The following CBL variants were observed in gnomAD, a reference collection of about 807,000 sequenced individuals.
CBL encodes E3 ubiquitin-protein ligase CBL.
Under a neutral mutation model 96.9 loss-of-function variants are expected in CBL, and 45 were observed. That is an observed-to-expected ratio of 0.46 (90% CI 0.37 to 0.60). The LOEUF is 0.60. CBL is among the 20% of genes least tolerant of loss of function. CBL has a pLI of 0.00. For synonymous variants in CBL, 420 were observed against 426.8 expected, an observed-to-expected ratio of 0.98 and a Z score of 0.20; for missense variants, 1,024 against 1,143.5, an observed-to-expected ratio of 0.90 and a Z score of 1.51.
intron 2 of CBL, among the ~76,000 whole-genome samples, chr11:119,248,661 A>G (rs1198945238): frequency 6.6e-6 from 1 of 152,208 alleles, no homozygotes; most frequent in Non-Finnish European, 1.5e-5. Context: ...AAAATTAAGA[A>G]CTTTGTTCAT....
rs1423287961 is a variant in CBL, at chr11:119,285,313, G to C, written c.1688G>C (p.Arg563Pro). The C allele has an allele frequency of 6.2e-7, 1 of 1,613,992 alleles. No homozygotes were observed. Among genetic ancestry groups the C allele is most frequent in the Non-Finnish European group, 8.5e-7 (1 of 1,180,028 alleles). ...GGAGCAGAATCCCGACCTCAAAGAC[G>C]CCCCTTGCCTTGTACACCAGGCGAC... ...SVGAESRPQR[R>P]PLPCTPGDCP... Residue 563 changes from arginine (R) to proline (P), a missense_variant, in exon 11 of 16, where the codon CGC becomes CCC. Coordinates refer to ENST00000264033, the MANE Select transcript of CBL (RefSeq NM_005188.4).
intron 5 of CBL, 98 bp downstream of exon 5, chr11:119,275,051 T>G: frequency 7.8e-7 from 1 of 1,278,704 alleles, no homozygotes; most frequent in Non-Finnish European, 1.1e-6. Flanking sequence ...AGTTTCGCAA[T>G]AGCCAAGGTT....
intron 2 of CBL, among the ~76,000 whole-genome samples, chr11:119,243,606 T>C (rs1013336132): frequency 6.6e-6 from 1 of 152,068 alleles, no homozygotes; most frequent in Non-Finnish European, 1.5e-5. Flanking sequence ...TATTCCATTT[T>C]TGTAGAAAGT....
At position 119,306,423 on chromosome 11, in the gene CBL, T is replaced by G. The variant is rs954073455; in HGVS notation, c.*6642T>G. 2.5e-6 allele frequency: 1 copy of G among 397,196 alleles called. No individual in the cohort carries two copies. The highest frequency in any genetic ancestry group is 4.4e-6 in the Non-Finnish European group (1 of 225,228). 24.6% of individuals were successfully genotyped at this position (397,196 alleles called of 1,614,324 possible). A position where few individuals can be genotyped will look rare whatever the true frequency, so the allele number is the denominator to read the frequency against. ...CCCCACCAACATTGCCTCTCCTACA[T>G]TCTCCTTCTGCCCCTAAATCAGACA... On this transcript the variant is annotated 3_prime_UTR_variant, in exon 16 of 16. Coordinates refer to ENST00000264033, the MANE Select transcript of CBL (RefSeq NM_005188.4).
Position 119,307,423 on chromosome 11 carries a change from AC to A in CBL, c.*7644del. 1 of 232,514 alleles carries A rather than the reference AC, an allele frequency of 4.3e-6. No homozygotes were observed. The highest frequency in any genetic ancestry group is 2.2e-5 in the African/African-American group (1 of 45,162). The allele number at this position is 232,514 out of a possible 1,614,324, so 14.4% of individuals were successfully genotyped here. On this transcript the variant is annotated 3_prime_UTR_variant, in exon 16 of 16. Coordinates refer to ENST00000264033, the MANE Select transcript of CBL (RefSeq NM_005188.4). ...TTTGCTGGATCCTGAACTGGTCTAGACCTCCTGCCCCCACCCCCCAGCCCCC... is the reference window on the plus strand; with the variant it reads ...TTTGCTGGATCCTGAACTGGTCTAGACTCCTGCCCCCACCCCCCAGCCCCC...
intron 2 of CBL, among the ~76,000 whole-genome samples, chr11:119,239,562 C>T (rs7482443): frequency 0.28 from 42,016 of 151,984 alleles, 6,257 homozygotes; most frequent in South Asian, 0.59. Context: ...TTTACTTCTT[C>T]CTTTTCTTTC....
In CBL at chr11:119,285,208, A is replaced by G; in HGVS notation, c.1583A>G (p.His528Arg). The change falls in exon 11 of 16, where the codon CAT becomes CGT. Residue 528 changes from histidine (H) to arginine (R), a missense_variant. His to Arg is a conservative substitution (Grantham distance 29). Around this residue, in one of 4 missense-constraint regions of CBL, gnomAD observed 695 missense variants for 661.6 expected, o/e 1.05. Coordinates refer to ENST00000264033, the MANE Select transcript of CBL (RefSeq NM_005188.4). ...TASKAASGSL[H>R]KDKPLPVPPT... ...CCACAGGCTGCTTCTGGCTCCCTTC[A>G]TAAAGACAAACCATTGCCAGTACCT... is the stretch of plus-strand genomic sequence containing the variant. 6.2e-7 allele frequency: 1 copy of G among 1,614,080 alleles called. No individual in the cohort carries two copies. Among genetic ancestry groups the G allele is most frequent in the Non-Finnish European group, 8.5e-7 (1 of 1,180,016 alleles).
At chr11:119,213,020 G>GC (rs1215555294) in intron 1 of CBL, among the ~76,000 whole-genome samples, 7 of 151,270 alleles carry the variant, frequency 4.6e-5, no homozygotes, top group Non-Finnish European at 8.8e-5. Context: ...TGACAGTGTT[G>GC]CCCAGGCTGG....
intron 2 of CBL, among the ~76,000 whole-genome samples, chr11:119,270,436 ATTTTTTTTTTTTTTT>A (rs869150071): frequency 5.2e-5 from 2 of 38,656 alleles, no homozygotes; most frequent in African/African-American, 1.1e-4. Flanking sequence ...ATATATATAT[ATTTTTTTTTTTTTTT>A]TTTTTTTTTT....
At chr11:119,211,661 AC>A (rs1949320138) in intron 1 of CBL, among the ~76,000 whole-genome samples, 1 of 151,556 alleles carries the variant, frequency 6.6e-6, no homozygotes, top group African/African-American at 2.4e-5. Flanking sequence ...CCACCAGCAC[AC>A]CCAGCTAATT....
intron 2 of CBL, among the ~76,000 whole-genome samples, chr11:119,248,366 A>C (rs1949647441): frequency 6.6e-6 from 1 of 152,226 alleles, no homozygotes; most frequent in Admixed American, 6.5e-5. Flanking sequence ...CTCAATGGAG[A>C]AACAACAGTC....
chr11:119,226,818 T>G (rs570490691), intron 1 of CBL, among the ~76,000 whole-genome samples: 4 of 152,206 alleles, frequency 2.6e-5, no homozygotes, highest in Admixed American at 1.3e-4. Context: ...TAAAATGTTA[T>G]TTAGTCCTTT....
intron 7 of CBL, 92 bp downstream of exon 7, chr11:119,277,936 C>T: frequency 6.1e-6 from 6 of 984,294 alleles, no homozygotes; most frequent in Non-Finnish European, 8.1e-6. Flanking sequence ...TTCATTGGAA[C>T]CCATTGACTA....
intron 2 of CBL, among the ~76,000 whole-genome samples, chr11:119,256,729 G>A (rs958318361): frequency 1.5e-5 from 2 of 132,576 alleles, no homozygotes; most frequent in Admixed American, 1.6e-4. Context: ...CCACCTCCCC[G>A]CTTCTGAGTC....
intron 1 of CBL, among the ~76,000 whole-genome samples, chr11:119,231,144 T>G (rs1949499060): frequency 6.6e-6 from 1 of 152,198 alleles, no homozygotes; most frequent in Non-Finnish European, 1.5e-5. Flanking sequence ...GGCTCATGCC[T>G]GTAATCCCAG....
intron 2 of CBL, among the ~76,000 whole-genome samples, chr11:119,266,614 C>T (rs1949804822): frequency 6.6e-6 from 1 of 151,656 alleles, no homozygotes; most frequent in Non-Finnish European, 1.5e-5. Context: ...AAAGAAATGA[C>T]ACCAGTCTTG....
rs1950117295 is a variant in CBL at position 119,303,853 on chromosome 11, C to T, written c.*4072C>T. 1 of 233,634 alleles carries T rather than the reference C, an allele frequency of 4.3e-6. No homozygotes were observed. The highest frequency in any genetic ancestry group is 8.5e-6 in the Non-Finnish European group (1 of 118,090). 14.5% of individuals were successfully genotyped at this position (233,634 alleles called of 1,614,324 possible). A position where few individuals can be genotyped will look rare whatever the true frequency, so the allele number is the denominator to read the frequency against. ...CTTCCTTGAACTTTTTCCTGAGCTG[C>T]TACGTCCCTAATCCCCCTTGTTGGG... On this transcript the variant is annotated 3_prime_UTR_variant, in exon 16 of 16. Transcript: ENST00000264033.
intron 11 of CBL, among the ~76,000 whole-genome samples, chr11:119,285,942 T>C (rs1160127807): frequency 1.3e-5 from 2 of 151,976 alleles, no homozygotes; most frequent in Non-Finnish European, 1.5e-5. Context: ...TAGAAGTTTA[T>C]GGGTTGAAAT....
At chr11:119,212,837 C>G (rs7930610) in intron 1 of CBL, among the ~76,000 whole-genome samples, 130 of 151,838 alleles carry the variant, frequency 8.6e-4, no homozygotes, top group African/African-American at 3.1e-3. Context: ...ATGGTGAAAC[C>G]CCGTCTCTAC....
Sources: allele counts gnomAD v4.1 joint callset (sites outside exome capture counted in the v4.1 genomes callset), GRCh38; gene constraint gnomAD v4.1.1; regional missense constraint gnomAD v4.1.1; transcripts MANE v1.5; gene names NCBI Gene and HGNC (gene_info 2026-07-23, HGNC 2026-07-21).